Variants in ADAM2 observed in about 807,000 individuals in gnomAD.
The protein encoded by ADAM2 is ADAM metallopeptidase domain 2, also known as disintegrin and metalloproteinase domain-containing protein 2.
A neutral mutation model predicts 99.3 loss-of-function variants in ADAM2; 101 were observed. The ratio of observed to expected loss-of-function variants is 1.02; its 90% confidence interval spans 0.87 to 1.20. ADAM2 has a LOEUF of 1.20. Among genes scored for constraint, ADAM2 ranks in the 50% most tolerant of loss-of-function variants. ADAM2 has a pLI of 0.00. For missense variants in ADAM2, 948 were observed against 878.7 expected (o/e 1.08, Z -1.00); for synonymous variants, 323 against 287.6 (o/e 1.12, Z -1.25).
intron 16 of ADAM2, among the ~76,000 whole-genome samples, chr8:39,751,190 T>A (rs144093397): frequency 6.6e-6 from 1 of 152,284 alleles, no homozygotes; most frequent in East Asian, 1.9e-4. Flanking sequence ...TTTGGATGGC[T>A]GTGGTAGTAG....
intron 7 of ADAM2, among the ~76,000 whole-genome samples, chr8:39,794,811 T>A (rs996227400): frequency 2.6e-5 from 4 of 151,810 alleles, no homozygotes; most frequent in African/African-American, 9.7e-5. Context: ...GAGACAGGAG[T>A]CTTGCCAATG....
intron 3 of ADAM2, among the ~76,000 whole-genome samples, chr8:39,830,692 G>A (rs531455495): frequency 6.6e-6 from 1 of 152,060 alleles, no homozygotes; most frequent in South Asian, 2.1e-4. Flanking sequence ...GACAATAGTC[G>A]CAAGCATCAG....
At chr8:39,813,911 G>A (rs2129587345) in intron 6 of ADAM2, among the ~76,000 whole-genome samples, 1 of 151,238 alleles carries the variant, frequency 6.6e-6, no homozygotes, top group East Asian at 1.9e-4. Flanking sequence ...AGAACTTAAA[G>A]TATAATAAAA....
intron 7 of ADAM2, among the ~76,000 whole-genome samples, chr8:39,793,808 A>G (rs1222304933): frequency 3.3e-5 from 5 of 152,118 alleles, no homozygotes; most frequent in African/African-American, 1.2e-4. Context: ...TTTGAGGGAC[A>G]TTAACTAAAG....
intron 10 of ADAM2, 98 bp downstream of exon 10, chr8:39,786,876 A>G: frequency 1.1e-6 from 1 of 883,938 alleles, no homozygotes. Flanking sequence ...AGATGCTTAG[A>G]ACAATGCAAA....
At chr8:39,820,945 C>A in intron 6 of ADAM2, 57 bp downstream of exon 6, 1 of 1,107,920 alleles carries the variant, frequency 9.0e-7, no homozygotes, top group Non-Finnish European at 1.3e-6. Context: ...CTATAAATTT[C>A]AGTGCTTACA....
chr8:39,817,938 GA>G (rs1805021603), intron 6 of ADAM2: 1 of 151,708 alleles, frequency 6.6e-6, no homozygotes, highest in African/African-American at 2.4e-5. Flanking sequence ...GACTTAATGA[GA>G]AAAAATTTAA....
At chr8:39,794,937 G>A (rs974613901) in intron 7 of ADAM2, among the ~76,000 whole-genome samples, 8 of 151,628 alleles carry the variant, frequency 5.3e-5, no homozygotes, top group Non-Finnish European at 7.4e-5. Flanking sequence ...TTTCTACCTA[G>A]GTTTCCTAAT....
At chr8:39,806,723 G>C (rs574525352) in intron 7 of ADAM2, among the ~76,000 whole-genome samples, 88 of 152,206 alleles carry the variant, frequency 5.8e-4, no homozygotes, top group Non-Finnish European at 9.4e-4. Flanking sequence ...AAGCAAAGCA[G>C]AACCAAAAGT....
intron 3 of ADAM2, among the ~76,000 whole-genome samples, chr8:39,832,366 G>C (rs943505590): frequency 6.6e-5 from 10 of 152,148 alleles, no homozygotes; most frequent in African/African-American, 2.4e-4. Context: ...GGTAGGGACT[G>C]ACAGGGCTTG....
Position 39,746,506 on chromosome 8 carries a change from TCC to T in ADAM2, c.2138_2139del (p.Arg713LysfsTer6), listed in dbSNP as rs1586036995. On this transcript the variant is annotated frameshift_variant, in exon 19 of 21. Transcript: ENST00000265708. LOFTEE classifies it high-confidence loss of function. The stretch of plus-strand genomic sequence containing the variant: ...GAATAGTCCTCAGTTCTCCATTTTT[TCC>T]TTTGGAAATTAACTTTCACCATTAT... ...IAIMVKVNFQRKKWRTEDYSS... is the reference protein window; with the variant it reads ...IAIMVKVNFQXKKWRTEDYSS... 10 of 1,596,546 alleles carry T rather than the reference TCC, an allele frequency of 6.3e-6. No individual in the cohort carries two copies. Among genetic ancestry groups the T allele is most frequent in the African/African-American group, 5.4e-5 (4 of 73,906 alleles).
At chr8:39,760,690 C>T (rs1223372650) in intron 15 of ADAM2, among the ~76,000 whole-genome samples, 1 of 151,406 alleles carries the variant, frequency 6.6e-6, no homozygotes, top group Non-Finnish European at 1.5e-5. Flanking sequence ...CACGGCACTC[C>T]AGCCTGGGGG....
At chr8:39,824,754 G>A (rs1805331851) in intron 4 of ADAM2, 65 bp downstream of exon 4, 1 of 840,990 alleles carries the variant, frequency 1.2e-6, no homozygotes. Flanking sequence ...ATAACATGTG[G>A]ACACTAAATA....
intron 3 of ADAM2, 21 bp downstream of exon 3, chr8:39,833,922 TA>T: frequency 7.8e-7 from 1 of 1,284,282 alleles, no homozygotes; most frequent in Non-Finnish European, 1.1e-6. Flanking sequence ...AGAGAATTGA[TA>T]AAATAATGAT....
intron 10 of ADAM2, among the ~76,000 whole-genome samples, chr8:39,783,427 C>A (rs531669783): frequency 6.6e-6 from 1 of 152,068 alleles, no homozygotes; most frequent in Admixed American, 6.6e-5. Flanking sequence ...TATTTTGAAG[C>A]AATGTAATTA....
Position 39,837,184 on chromosome 8 carries a change from T to G in ADAM2, c.84A>C (p.Thr28=). The G allele has an allele frequency of 6.2e-7, 1 of 1,610,514 alleles. No homozygotes were observed. The highest frequency in any genetic ancestry group is 8.5e-7 in the Non-Finnish European group (1 of 1,177,710). ...SNFDSLPVQI[T]VPEKIRSIIK... ...TTATTGACCGTATTTTCTCCGGAAC[T>G]GTAATTTGCACAGGTAAACTATCAA... The change falls in exon 2 of 21, where the codon ACA becomes ACC. Residue 28 remains threonine (T), a synonymous_variant. Coordinates refer to ENST00000265708, the MANE Select transcript of ADAM2 (RefSeq NM_001464.5).
intron 7 of ADAM2, among the ~76,000 whole-genome samples, chr8:39,805,113 G>T (rs915602801): frequency 5.3e-5 from 8 of 152,180 alleles, no homozygotes; most frequent in Admixed American, 2.0e-4. Flanking sequence ...CTTATAGACT[G>T]AAAGGGGCAA....
chr8:39,798,285 T>C (rs976426169), intron 7 of ADAM2, among the ~76,000 whole-genome samples: 6 of 152,234 alleles, frequency 3.9e-5, no homozygotes, highest in African/African-American at 9.6e-5. Flanking sequence ...ATTCTGCATC[T>C]AGTGAGATAA....
At chr8:39,760,784 A>G (rs1033294832) in intron 15 of ADAM2, among the ~76,000 whole-genome samples, 1 of 145,724 alleles carries the variant, frequency 6.9e-6, no homozygotes, top group East Asian at 2.1e-4. Context: ...AAATTCGTGT[A>G]TTTTAACTTC....
Sources: gnomAD v4.1 joint callset for allele counts (sites outside exome capture counted in the v4.1 genomes callset) on GRCh38, gnomAD v4.1.1 for gene constraint, MANE v1.5 for transcripts, NCBI Gene and HGNC (gene_info 2026-07-23, HGNC 2026-07-21) for gene names.